BRD3: variants seen among roughly 807,000 people sequenced by gnomAD.
The protein encoded by BRD3 is bromodomain-containing protein 3.
BRD3 carries 17 observed loss-of-function variants against 66.8 expected under a neutral mutation model. That is an observed-to-expected ratio of 0.25 (90% CI 0.17 to 0.38). The LOEUF is 0.38. BRD3 is among the 10% of genes least tolerant of loss of function. BRD3 has a pLI of 1.00. For missense variants in BRD3, 713 were observed against 956.1 expected (o/e 0.75, Z 3.35); for synonymous variants, 421 against 393.2 (o/e 1.07, Z -0.84).
At chr9:134,064,972 G>T (rs1198665042) in intron 1 of BRD3, among the ~76,000 whole-genome samples, 1 of 152,246 alleles carries the variant, frequency 6.6e-6, no homozygotes, top group Admixed American at 6.5e-5. Context: ...TGCTACCTGT[G>T]CATCTCTTCT....
At chr9:134,063,791 G>A (rs551660166) in intron 1 of BRD3, among the ~76,000 whole-genome samples, 1 of 152,300 alleles carries the variant, frequency 6.6e-6, no homozygotes, top group East Asian at 1.9e-4. Context: ...AGTCCACTGG[G>A]TGCTTTGCAA....
rs149139736 is a variant in BRD3 at position 134,049,158 on chromosome 9, G to A, written c.715-704C>T. Among the ~76,000 whole-genome samples, 53 of 152,250 alleles carry A rather than the reference G, an allele frequency of 3.5e-4. 1 individual carries two copies. Among genetic ancestry groups the A allele is most frequent in the African/African-American group, 1.2e-3 (49 of 41,572 alleles). On this transcript the variant is annotated intron_variant, in intron 5 of 11. Coordinates refer to ENST00000303407, the MANE Select transcript of BRD3 (RefSeq NM_007371.4). ...CCTTCTGTGGGTGTGTCCTGGGGAC[G>A]GAGCCAGGCACCAGGCAGACGCGCA... is the stretch of plus-strand genomic sequence containing the variant.
In BRD3 at chr9:134,045,511, G is replaced by A. The variant is rs1285808562; in HGVS notation, c.1087-90C>T. ...CCACGAGATGAACTCTGGAGCCTCAGGAGCCACTGCCAGCTCCAGGGCAGT... is the reference window on the plus strand; with the variant it reads ...CCACGAGATGAACTCTGGAGCCTCAAGAGCCACTGCCAGCTCCAGGGCAGT... On this transcript the variant is annotated intron_variant, in intron 6 of 11. Coordinates refer to ENST00000303407, the MANE Select transcript of BRD3 (RefSeq NM_007371.4). The surrounding 1 kb of genome is among the most constrained non-coding windows in gnomAD (Gnocchi z 4.8). The A allele has an allele frequency of 2.5e-6, 4 of 1,571,790 alleles. No individual in the cohort carries two copies. In the African/African-American group the frequency reaches 5.4e-5, roughly 21 times the overall value.
intron 1 of BRD3, among the ~76,000 whole-genome samples, chr9:134,059,912 C>A (rs1203956023): frequency 6.6e-6 from 1 of 152,196 alleles, no homozygotes; most frequent in East Asian, 1.9e-4. Flanking sequence ...GGGACCATGG[C>A]AGGGAAGCGG....
At chr9:134,066,459 T>C (rs959144130) in intron 1 of BRD3, among the ~76,000 whole-genome samples, 3 of 152,100 alleles carry the variant, frequency 2.0e-5, no homozygotes, top group African/African-American at 7.2e-5. Context: ...CAGACCTTCC[T>C]TAGACCCCGT....
chr9:134,034,175 TC>T (rs1232856890), intron 11 of BRD3, among the ~76,000 whole-genome samples: 1 of 151,820 alleles, frequency 6.6e-6, no homozygotes, highest in Non-Finnish European at 1.5e-5. Flanking sequence ...GACCCTACTG[TC>T]CCCCCCATAT....
intron 5 of BRD3, among the ~76,000 whole-genome samples, chr9:134,049,865 A>G (rs1189117120): frequency 6.6e-6 from 1 of 152,142 alleles, no homozygotes; most frequent in African/African-American, 2.4e-5. Context: ...TGCAGGGAGC[A>G]CCCACTCCCT....
Position 134,048,217 on chromosome 9 carries a change from T to C in BRD3, c.952A>G (p.Ile318Val). The C allele has an allele frequency of 6.2e-7, 1 of 1,612,886 alleles. No homozygotes were observed. The highest frequency in any genetic ancestry group is 8.5e-7 in the Non-Finnish European group (1 of 1,179,858). The change falls in exon 6 of 12, where the codon ATC becomes GTC. Residue 318 changes from isoleucine (I) to valine (V), a missense_variant. This residue lies in a region of BRD3 where 418 missense variants were observed against 609.3 expected (regional missense o/e 0.69). Transcript: ENST00000303407. ...LSEHLRYCDS[I>V]LREMLSKKHA... ...TTCTTGGATAGCATCTCCCTGAGGA[T>C]GCTGTCGCAGTAGCGTAGGTGCTCC...
intron 3 of BRD3, among the ~76,000 whole-genome samples, 195 bp downstream of exon 3, chr9:134,052,111 T>C (rs988951259): frequency 1.3e-5 from 2 of 152,172 alleles, no homozygotes; most frequent in African/African-American, 4.8e-5. Flanking sequence ...CAGGCTGGTC[T>C]TGAACTCCTG....
intron 4 of BRD3, 111 bp from the exon 5 acceptor site, chr9:134,050,699 A>C: frequency 1.2e-6 from 1 of 852,402 alleles, no homozygotes. Context: ...TGCTGCCAAG[A>C]CCGCCGGCCA....
intron 6 of BRD3, among the ~76,000 whole-genome samples, chr9:134,046,565 C>CA (rs1305305599): frequency 6.6e-6 from 1 of 152,180 alleles, no homozygotes; most frequent in Non-Finnish European, 1.5e-5. Context: ...CCCGGGGGCA[C>CA]AGTGGGACCT....
chr9:134,035,297 C>T lies in BRD3; in HGVS notation c.1937-468G>A, dbSNP rs115587093. ...ACCCGGTGACTTACCGTGGGTCAGA[C>T]GCACCATGACCACACAGACATTCCA... is the stretch of plus-strand genomic sequence containing the variant. On this transcript the variant is annotated intron_variant, in intron 10 of 11. Coordinates refer to ENST00000303407, the MANE Select transcript of BRD3 (RefSeq NM_007371.4). Among the ~76,000 whole-genome samples, 452 of 152,296 alleles carry T rather than the reference C, an allele frequency of 3.0e-3. 2 individuals are homozygous for T. The highest frequency in any genetic ancestry group is 0.01 in the African/African-American group (425 of 41,566).
Position 134,048,147 on chromosome 9 carries a change from T to G in BRD3, c.1022A>C (p.Glu341Ala), listed in dbSNP as rs544203441. ...GTGGTAGTCGTGCAGCTCCAGGGCC[T>G]CGGCATCCACTGGCTTGTAGAAGGG... ...AWPFYKPVDA[E>A]ALELHDYHDI... Residue 341 changes from glutamate (E) to alanine (A), a missense_variant, in exon 6 of 12, where the codon GAG becomes GCG. Glu to Ala is a moderately radical substitution (Grantham distance 107, BLOSUM62 -1). This residue lies in a region of BRD3 where 418 missense variants were observed against 609.3 expected (regional missense o/e 0.69). Coordinates refer to ENST00000303407, the MANE Select transcript of BRD3 (RefSeq NM_007371.4). 1.9e-6 allele frequency: 3 copies of G among 1,609,294 alleles called. No homozygotes were observed. Among genetic ancestry groups the G allele is most frequent in the South Asian group, 1.1e-5 (1 of 90,542 alleles).
rs906620178 is a variant in BRD3, at chr9:134,032,532, C to T, written c.*1058G>A. 2 of 231,360 alleles carry T rather than the reference C, an allele frequency of 8.6e-6. No individual in the cohort carries two copies. Among genetic ancestry groups the T allele is most frequent in the African/African-American group, 4.4e-5 (2 of 45,172 alleles). The allele number at this position is 231,360 out of a possible 1,614,324, so 14.3% of individuals were successfully genotyped here. On this transcript the variant is annotated 3_prime_UTR_variant, in exon 12 of 12. Coordinates refer to ENST00000303407, the MANE Select transcript of BRD3 (RefSeq NM_007371.4). The stretch of plus-strand genomic sequence containing the variant: ...CGCGAACAGACGTGGGTGAGCACCG[C>T]GCGGTGGCAGGAGTTAGCACCTGGA...
At chr9:134,046,399 C>T (rs1055713989) in intron 6 of BRD3, among the ~76,000 whole-genome samples, 1 of 152,184 alleles carries the variant, frequency 6.6e-6, no homozygotes, top group African/African-American at 2.4e-5. Flanking sequence ...GGCAAATCTA[C>T]CCCGACCGCT....
At chr9:134,036,736 C>T (rs573353382) in intron 9 of BRD3, 58 of 771,084 alleles carry the variant, frequency 7.5e-5, no homozygotes, top group South Asian at 3.1e-4. Flanking sequence ...GGGCCGGGCG[C>T]GGTGGCTCAC....
At chr9:134,043,002 GCTAA>G (rs1308164374) in intron 7 of BRD3, among the ~76,000 whole-genome samples, 1 of 152,102 alleles carries the variant, frequency 6.6e-6, no homozygotes, top group Non-Finnish European at 1.5e-5. Context: ...ACTACTCCCG[GCTAA>G]CTTTTTGTAT....
Position 134,045,464 on chromosome 9 carries a change from C to A in BRD3, c.1087-43G>T. 2 of 1,610,740 alleles carry A rather than the reference C, an allele frequency of 1.2e-6. No homozygotes were observed. Among genetic ancestry groups the A allele is most frequent in the Non-Finnish European group, 1.7e-6 (2 of 1,178,348 alleles). Reference sequence around the variant, plus strand: ...AGGGGCCAGTGAGCGTGGCCCGTGGCATCAGGACTCTCTGCCACACCCCAC... The same window carrying A: ...AGGGGCCAGTGAGCGTGGCCCGTGGAATCAGGACTCTCTGCCACACCCCAC... On this transcript the variant is annotated intron_variant, in intron 6 of 11. Coordinates refer to ENST00000303407, the MANE Select transcript of BRD3 (RefSeq NM_007371.4). This position sits in a 1 kb window ranked among gnomAD's most constrained non-coding sequence, Gnocchi z 4.8.
rs1843502885 is a variant in BRD3 at position 134,030,941 on chromosome 9, G to A, written c.*2649C>T. 8.6e-6 allele frequency: 2 copies of A among 231,354 alleles called. No homozygotes were observed. Among genetic ancestry groups the A allele is most frequent in the African/African-American group, 4.4e-5 (2 of 45,212 alleles). 14.3% of individuals were successfully genotyped at this position (231,354 alleles called of 1,614,324 possible). ...AAGCTGCCCTACAGGTCTCAGCAGT[G>A]GGACAATCTAATTGAATCACCGCAG... On this transcript the variant is annotated 3_prime_UTR_variant, in exon 12 of 12. Coordinates refer to ENST00000303407, the MANE Select transcript of BRD3 (RefSeq NM_007371.4).
Sources: gnomAD v4.1 joint callset for allele counts (sites outside exome capture counted in the v4.1 genomes callset) on GRCh38, gnomAD v4.1.1 for gene constraint, gnomAD v4.1.1 regional missense constraint, Gnocchi (gnomAD v3.1) non-coding constraint, MANE v1.5 for transcripts, NCBI Gene and HGNC (gene_info 2026-07-23, HGNC 2026-07-21) for gene names.